LRCH3: variants seen among roughly 807,000 people sequenced by gnomAD.
LRCH3 encodes DISP complex protein LRCH3.
LRCH3 carries 68 observed loss-of-function variants against 104.5 expected under a neutral mutation model. The ratio of observed to expected loss-of-function variants is 0.65; its 90% CI spans 0.54 to 0.80. LRCH3 has a LOEUF of 0.80. Among genes scored for constraint, LRCH3 ranks in the 30% least tolerant of loss-of-function variants. LRCH3 has a pLI of 0.00. For synonymous variants in LRCH3, 344 were observed against 361.3 expected (o/e 0.95, Z 0.54); for missense variants, 951 against 953.9 (o/e 1.00, Z 0.04).
In LRCH3 at chr3:197,836,177, A is replaced by C. The variant is rs114992709; in HGVS notation, c.1251+355A>C. Among the ~76,000 whole-genome samples the C allele has an allele frequency of 2.9e-3, 447 of 152,336 alleles. 5 individuals are homozygous for C. Among genetic ancestry groups the C allele is most frequent in the African/African-American group, 0.01 (428 of 41,568 alleles). On this transcript the variant is annotated intron_variant, in intron 9 of 20. Coordinates refer to ENST00000425562, the MANE Select transcript of LRCH3 (RefSeq NM_001365715.1). Reference sequence around the variant, plus strand: ...TTATTGTTACTAACTGATAAATCATAGTTTGGTCAGTAGTTAATTAACAGT... The same window carrying C: ...TTATTGTTACTAACTGATAAATCATCGTTTGGTCAGTAGTTAATTAACAGT...
intron 1 of LRCH3, among the ~76,000 whole-genome samples, chr3:197,793,803 T>G (rs920536466): frequency 6.6e-6 from 1 of 152,204 alleles, no homozygotes; most frequent in Non-Finnish European, 1.5e-5. Context: ...GATTACAAGG[T>G]ATTTTATAAG....
At chr3:197,881,467 T>C in intron 20 of LRCH3, 1 of 985,402 alleles carries the variant, frequency 1.0e-6, no homozygotes, top group Non-Finnish European at 1.2e-6. Context: ...CAGATTGTGT[T>C]TGTTATGTGT....
In LRCH3 at chr3:197,847,999, A is replaced by G; in HGVS notation, c.1508A>G (p.Asp503Gly). The G allele has an allele frequency of 6.2e-7, 1 of 1,614,102 alleles. No homozygotes were observed. The highest frequency in any genetic ancestry group is 8.5e-7 in the Non-Finnish European group (1 of 1,179,994). Reference sequence around the variant, plus strand: ...ATAAGGACCAAGCAGATCCAGAGAGATGCTGTCCTGGACTTTGTCAAAGTG... The same window carrying G: ...ATAAGGACCAAGCAGATCCAGAGAGGTGCTGTCCTGGACTTTGTCAAAGTG... ...EKIRTKQIQR[D>G]AVLDFVKQKA... The change falls in exon 12 of 21, where the codon GAT becomes GGT. Residue 503 changes from aspartate to glycine, a missense_variant. Physicochemically the swap from Asp to Gly is moderately conservative, Grantham distance 94 (BLOSUM62 -1). Transcript: ENST00000425562.
intron 19 of LRCH3, among the ~76,000 whole-genome samples, chr3:197,874,296 G>A (rs994885094): frequency 4.6e-5 from 7 of 152,132 alleles, no homozygotes; most frequent in African/African-American, 1.7e-4. Context: ...TCTGCCTCCT[G>A]TCAGATCAGC....
intron 18 of LRCH3, among the ~76,000 whole-genome samples, chr3:197,870,612 G>A (rs1256454565): frequency 6.6e-6 from 1 of 152,110 alleles, no homozygotes; most frequent in African/African-American, 2.4e-5. Flanking sequence ...GTGATCCACT[G>A]GCCTCGACCT....
At chr3:197,862,540 T>C (rs1560590780) in intron 15 of LRCH3, among the ~76,000 whole-genome samples, 1 of 151,426 alleles carries the variant, frequency 6.6e-6, no homozygotes, top group Non-Finnish European at 1.5e-5. Context: ...TTTGAAAATA[T>C]TTTTTCCTCC....
At chr3:197,832,171 T>C (rs774533733) in intron 7 of LRCH3, 26 bp from the exon 8 acceptor site, 1 of 1,603,388 alleles carries the variant, frequency 6.2e-7, no homozygotes, top group Non-Finnish European at 8.5e-7. Context: ...AATGATTGTT[T>C]TTAATGTTTC....
intron 1 of LRCH3, among the ~76,000 whole-genome samples, chr3:197,792,613 C>CATAT (rs1157560343): frequency 2.1e-5 from 1 of 48,768 alleles, no homozygotes; most frequent in African/African-American, 5.7e-5. Flanking sequence ...ATAAAATATA[C>CATAT]ATATATATAT....
chr3:197,846,001 A>G (rs1004295823), intron 10 of LRCH3, among the ~76,000 whole-genome samples: 3 of 152,186 alleles, frequency 2.0e-5, no homozygotes, highest in South Asian at 4.1e-4. Context: ...GGTCCTTTCT[A>G]TGTTTTGTTT....
In LRCH3 at chr3:197,854,023, G is replaced by A. The variant is rs1739955039; in HGVS notation, c.1591-369G>A. On this transcript the variant is annotated intron_variant, in intron 13 of 20. Transcript: ENST00000425562. This position sits in a 1 kb window ranked among gnomAD's most constrained non-coding sequence, Gnocchi z 4.5. ...CATTTTGCTTAAGAAAGAAAATGAA[G>A]AGATACTTAGACTAGAAATTATGAC... Among the ~76,000 whole-genome samples, 1 of 152,164 alleles carries A rather than the reference G, an allele frequency of 6.6e-6. No individual in the cohort carries two copies. The highest frequency in any genetic ancestry group is 1.5e-5 in the Non-Finnish European group (1 of 68,022).
In LRCH3 at chr3:197,854,302, G is replaced by A; in HGVS notation, c.1591-90G>A. On this transcript the variant is annotated intron_variant, in intron 13 of 20. Transcript: ENST00000425562. This position sits in a 1 kb window ranked among gnomAD's most constrained non-coding sequence, Gnocchi z 4.5. ...CGTCTTCAAAAGTATGTCTTAATAT[G>A]TCTCTTCCCTTGTGTGTGTATTCGT... is the stretch of plus-strand genomic sequence containing the variant. 9.2e-7 allele frequency: 1 copy of A among 1,091,352 alleles called. No individual in the cohort carries two copies. The highest frequency in any genetic ancestry group is 1.4e-6 in the Non-Finnish European group (1 of 703,520). The allele number at this position is 1,091,352 out of a possible 1,614,324, so 67.6% of individuals were successfully genotyped here. A position where few individuals can be genotyped will look rare whatever the true frequency, so the allele number is the denominator to read the frequency against.
Position 197,854,854 on chromosome 3 carries a change from G to A in LRCH3, c.1644+409G>A, listed in dbSNP as rs1021222471. 2.0e-5 allele frequency among the ~76,000 whole-genome samples: 3 copies of A among 152,128 alleles called. No homozygotes were observed. The highest frequency in any genetic ancestry group is 7.2e-5 in the African/African-American group (3 of 41,430). On this transcript the variant is annotated intron_variant, in intron 14 of 20. Transcript: ENST00000425562. The surrounding 1 kb of genome is among the most constrained non-coding windows in gnomAD (Gnocchi z 4.5). ...TATATTTGGCATCCAATTTTATGATGTATTTTCAGCTACTGAAAATCCTTC... is the reference window on the plus strand; with the variant it reads ...TATATTTGGCATCCAATTTTATGATATATTTTCAGCTACTGAAAATCCTTC...
intron 7 of LRCH3, 95 bp from the exon 8 acceptor site, chr3:197,832,102 T>A: frequency 7.7e-7 from 1 of 1,299,682 alleles, no homozygotes; most frequent in South Asian, 1.4e-5. Context: ...CCTCAAGTGA[T>A]CCTCCTGCTT....
chr3:197,816,692 C>CT (rs956731765), intron 2 of LRCH3, among the ~76,000 whole-genome samples: 1 of 151,968 alleles, frequency 6.6e-6, no homozygotes, highest in Non-Finnish European at 1.5e-5. Context: ...CAACTTACTG[C>CT]TTTTTTTTCC....
chr3:197,806,522 A>G (rs944323086), intron 1 of LRCH3, among the ~76,000 whole-genome samples: 2 of 152,022 alleles, frequency 1.3e-5, no homozygotes, highest in African/African-American at 2.4e-5. Context: ...TCTGGAATCA[A>G]TATCCTAAAA....
intron 12 of LRCH3, among the ~76,000 whole-genome samples, chr3:197,849,432 A>G (rs1340805255): frequency 3.3e-5 from 5 of 152,116 alleles, no homozygotes; most frequent in East Asian, 3.9e-4. Flanking sequence ...AACCCTCATA[A>G]GAATTGTTAA....
chr3:197,876,468 T>C (rs1415032576), intron 20 of LRCH3: 1 of 152,216 alleles, frequency 6.6e-6, no homozygotes, highest in African/African-American at 2.4e-5. Flanking sequence ...TATTTATAGA[T>C]GCGATTAAGG....
At chr3:197,881,718 A>G in intron 20 of LRCH3, 1 of 985,436 alleles carries the variant, frequency 1.0e-6, no homozygotes, top group South Asian at 4.7e-5. Context: ...GTGTTTCTGA[A>G]TATTCAGGAA....
In LRCH3 at chr3:197,883,603, G is replaced by A. The variant is rs1198318853; in HGVS notation, c.2271G>A (p.Thr757=). 9.1e-6 allele frequency: 14 copies of A among 1,535,842 alleles called. No homozygotes were observed. The highest frequency in any genetic ancestry group is 1.4e-5 in the African/African-American group (1 of 72,992). The change falls in exon 21 of 21, where the codon ACG becomes ACA. Residue 757 remains threonine (T), a synonymous_variant. Transcript: ENST00000425562. The surrounding 1 kb of genome is among the most constrained non-coding windows in gnomAD (Gnocchi z 4.2). ...EEKGLSQVAV[T]VQALLELAPP... is the part of the protein sequence containing the mutation. ...AAGGTTTGAGCCAGGTTGCAGTGAC[G>A]GTCCAGGCTCTCCTGGAACTTGCCC...
Sources: gnomAD v4.1 joint callset for allele counts (sites outside exome capture counted in the v4.1 genomes callset) on GRCh38, gnomAD v4.1.1 for gene constraint, Gnocchi (gnomAD v3.1) non-coding constraint, MANE v1.5 for transcripts, NCBI Gene and HGNC (gene_info 2026-07-23, HGNC 2026-07-21) for gene names.